COL21A1: variants seen among roughly 807,000 people sequenced by gnomAD.
COL21A1 encodes collagen alpha-1(XXI) chain.
Under a neutral mutation model 137.9 loss-of-function variants are expected in COL21A1, and 149 were observed. That is an observed-to-expected ratio of 1.08 (90% CI 0.95 to 1.24). The LOEUF (loss-of-function observed/expected upper bound fraction) is 1.24, where lower values mean the gene tolerates loss of function less well. Among genes scored for constraint, COL21A1 ranks in the 50% most tolerant of loss-of-function variants. The pLI is 0.00. For synonymous variants in COL21A1, 456 were observed against 391.5 expected (o/e 1.16, Z -1.95); for missense variants, 1,167 against 1,158.4 (o/e 1.01, Z -0.11).
At chr6:56,236,524 A>G (rs1167776643) in intron 1 of COL21A1, among the ~76,000 whole-genome samples, 1 of 152,042 alleles carries the variant, frequency 6.6e-6, no homozygotes, top group Non-Finnish European at 1.5e-5. Flanking sequence ...TGTGTTAACT[A>G]GAGTGTGTCT....
chr6:56,260,402 T>C (rs1361404172), intron 1 of COL21A1, among the ~76,000 whole-genome samples: 1 of 151,588 alleles, frequency 6.6e-6, no homozygotes, highest in Non-Finnish European at 1.5e-5. Flanking sequence ...GGCGAAACCC[T>C]GCCTCTATAA....
intron 16 of COL21A1, among the ~76,000 whole-genome samples, chr6:56,121,682 A>G (rs1457940339): frequency 3.3e-5 from 5 of 151,590 alleles, no homozygotes; most frequent in Non-Finnish European, 1.5e-5. Flanking sequence ...CAATTGTAAC[A>G]AATGTACTAC....
At chr6:56,207,430 G>A (rs1414427175) in intron 1 of COL21A1, among the ~76,000 whole-genome samples, 2 of 151,996 alleles carry the variant, frequency 1.3e-5, no homozygotes, top group Non-Finnish European at 2.9e-5. Flanking sequence ...AAACTAGAAA[G>A]TGTAGAATAA....
chr6:56,225,927 G>A (rs1781155400), intron 1 of COL21A1: 1 of 151,950 alleles, frequency 6.6e-6, no homozygotes, highest in Admixed American at 6.6e-5. Context: ...AGCATACAGT[G>A]TTTAAATAGA....
chr6:56,339,000 T>C (rs1421313974), intron 1 of COL21A1, among the ~76,000 whole-genome samples: 4 of 152,212 alleles, frequency 2.6e-5, no homozygotes, highest in South Asian at 4.1e-4. Flanking sequence ...TTGTCTCTAG[T>C]AGCCATTTCC....
At chr6:56,371,482 G>A (rs996747884) in intron 1 of COL21A1, among the ~76,000 whole-genome samples, 7 of 152,128 alleles carry the variant, frequency 4.6e-5, no homozygotes, top group South Asian at 2.1e-4. Flanking sequence ...AAGAGATATC[G>A]GCCTTCAACC....
intron 3 of COL21A1, among the ~76,000 whole-genome samples, chr6:56,172,557 T>C (rs1351610957): frequency 1.3e-5 from 2 of 152,138 alleles, no homozygotes; most frequent in African/African-American, 2.4e-5. Flanking sequence ...AACAGAAGTA[T>C]ACTAATCAGC....
chr6:56,120,660 G>A (rs2152205333), intron 16 of COL21A1, among the ~76,000 whole-genome samples: 1 of 152,230 alleles, frequency 6.6e-6, no homozygotes, highest in Admixed American at 6.5e-5. Flanking sequence ...CGGGCATCAT[G>A]GCAGTTGCCT....
intron 23 of COL21A1, among the ~76,000 whole-genome samples, chr6:56,067,081 CAT>C (rs1766326925): frequency 6.6e-6 from 1 of 150,706 alleles, no homozygotes; most frequent in Non-Finnish European, 1.5e-5. Context: ...TTTGTTGAAT[CAT>C]TTTGTTTCTA....
chr6:56,133,807 G>T (rs1391726780), intron 12 of COL21A1, among the ~76,000 whole-genome samples: 2 of 152,230 alleles, frequency 1.3e-5, no homozygotes, highest in Non-Finnish European at 2.9e-5. Flanking sequence ...GAGGGTGCAG[G>T]CCCCAAGCCT....
chr6:56,334,570 C>T (rs527562989), intron 1 of COL21A1, among the ~76,000 whole-genome samples: 25 of 152,128 alleles, frequency 1.6e-4, no homozygotes, highest in Non-Finnish European at 3.2e-4. Context: ...AAGATGGCTG[C>T]ATGGCCAGCA....
At chr6:56,362,614 A>G (rs761077661) in intron 1 of COL21A1, among the ~76,000 whole-genome samples, 14 of 152,078 alleles carry the variant, frequency 9.2e-5, no homozygotes, top group Non-Finnish European at 2.1e-4. Context: ...TCCTTCAAAG[A>G]TATGCTCCTC....
chr6:56,294,454 T>C (rs1274414040), intron 1 of COL21A1, among the ~76,000 whole-genome samples: 2 of 152,136 alleles, frequency 1.3e-5, no homozygotes, highest in Non-Finnish European at 2.9e-5. Flanking sequence ...TATAGAAAAC[T>C]GATCAGAATA....
At chr6:56,221,498 G>T (rs2152312551) in intron 1 of COL21A1, among the ~76,000 whole-genome samples, 1 of 152,228 alleles carries the variant, frequency 6.6e-6, no homozygotes, top group East Asian at 1.9e-4. Flanking sequence ...CAAAGCAGGA[G>T]GATTACTTGA....
chr6:56,180,032 A>G lies in COL21A1; in HGVS notation c.186T>C (p.Asn62=), dbSNP rs564829954. Residue 62 remains asparagine (N), a synonymous_variant, in exon 3 of 30, where the codon AAT becomes AAC. Coordinates refer to ENST00000244728, the MANE Select transcript of COL21A1 (RefSeq NM_030820.4). The part of the protein sequence containing the change: ...NFEIVKKWLV[N]ITKNFDIGPK... ...GCCCTATGTCAAAGTTTTTTGTGAT[A>G]TTGACAAGCCACTTTTTCACTATTT... is the stretch of plus-strand genomic sequence containing the variant. The G allele has an allele frequency of 1.8e-4, 292 of 1,613,756 alleles. 7 individuals carry two copies. In the South Asian group the frequency reaches 3.1e-3, roughly 17 times the overall value.
At chr6:56,164,198 G>A (rs992540911) in intron 9 of COL21A1, among the ~76,000 whole-genome samples, 6 of 152,130 alleles carry the variant, frequency 3.9e-5, no homozygotes, top group African/African-American at 1.4e-4. Flanking sequence ...TACTGTCTCA[G>A]TTTAATGTGG....
At chr6:56,171,172 C>A in intron 3 of COL21A1, 44 bp from the exon 4 acceptor site, 1 of 1,418,654 alleles carries the variant, frequency 7.0e-7, no homozygotes, top group Non-Finnish European at 9.5e-7. Context: ...ATGGACTATT[C>A]AAACAATAAA....
At chr6:56,274,438 CTGA>C (rs1445961444) in intron 1 of COL21A1, among the ~76,000 whole-genome samples, 2 of 152,158 alleles carry the variant, frequency 1.3e-5, no homozygotes, top group Non-Finnish European at 2.9e-5. Flanking sequence ...TCTCTCTTTG[CTGA>C]TGATATGATT....
intron 1 of COL21A1, among the ~76,000 whole-genome samples, chr6:56,211,179 ATATATATG>A (rs1309998855): frequency 5.9e-4 from 7 of 11,770 alleles, no homozygotes; most frequent in Non-Finnish European, 7.5e-4. Flanking sequence ...GTATATATAC[ATATATATG>A]TATATATGTA....
Sources: allele counts gnomAD v4.1 joint callset (sites outside exome capture counted in the v4.1 genomes callset), GRCh38; gene constraint gnomAD v4.1.1; transcripts MANE v1.5; gene names NCBI Gene and HGNC (gene_info 2026-07-23, HGNC 2026-07-21).